Variants in PTPRU observed in about 807,000 individuals in gnomAD.
PTPRU encodes receptor-type tyrosine-protein phosphatase U.
Under a neutral mutation model 166.3 loss-of-function variants are expected in PTPRU, and 69 were observed. That is an observed-to-expected ratio of 0.41 (90% confidence interval 0.34 to 0.51). The LOEUF (loss-of-function observed/expected upper bound fraction) is 0.51, where lower values mean the gene tolerates loss of function less well. Among genes scored for constraint, PTPRU ranks in the 20% least tolerant of loss-of-function variants. The pLI is 0.09. For synonymous variants in PTPRU, 793 were observed against 814.0 expected, an observed-to-expected ratio of 0.97 and a Z score of 0.44; for missense variants, 1,657 against 2,013.7, an observed-to-expected ratio of 0.82 and a Z score of 3.39.
intron 22 of PTPRU, among the ~76,000 whole-genome samples, chr1:29,313,249 C>T (rs1009176501): frequency 5.3e-5 from 8 of 152,108 alleles, no homozygotes; most frequent in Non-Finnish European, 4.4e-5. Context: ...TCCTGGCCTG[C>T]CCTCTGTCTC....
intron 2 of PTPRU, 28 bp downstream of exon 2, chr1:29,255,434 CCTT>C (rs773121636): frequency 1.5e-5 from 24 of 1,609,368 alleles, no homozygotes; most frequent in African/African-American, 4.0e-5. Context: ...CGCCATTACC[CCTT>C]CTTCTCCTTC....
chr1:29,308,786 G>C (rs558046111), intron 18 of PTPRU, among the ~76,000 whole-genome samples: 10 of 152,130 alleles, frequency 6.6e-5, no homozygotes, highest in Non-Finnish European at 1.3e-4. Flanking sequence ...TACTTTGGGA[G>C]GCTGAGGCGG....
chr1:29,236,638 T>G lies in PTPRU; in HGVS notation c.-7T>G. ...CGGGCCCCGGGACGGGCGGCGACGC[T>G]CCAACCATGGCCCGTGCCCAGGCGC... is the stretch of plus-strand genomic sequence containing the variant. On this transcript the variant is annotated 5_prime_UTR_variant, in exon 1 of 30. Transcript: ENST00000373779. This position sits in a 1 kb window ranked among gnomAD's most constrained non-coding sequence, Gnocchi z 4.6. The G allele has an allele frequency of 7.8e-7, 1 of 1,287,246 alleles. No homozygotes were observed. The highest frequency in any genetic ancestry group is 9.9e-7 in the Non-Finnish European group (1 of 1,014,422). 79.7% of individuals were successfully genotyped at this position (1,287,246 alleles called of 1,614,324 possible). A position where few individuals can be genotyped will look rare whatever the true frequency, so the allele number is the denominator to read the frequency against.
chr1:29,324,590 C>G (rs1033080731), intron 28 of PTPRU, among the ~76,000 whole-genome samples: 1 of 152,210 alleles, frequency 6.6e-6, no homozygotes, highest in Admixed American at 6.5e-5. Flanking sequence ...ACCTTGCTCT[C>G]TGGGTACGCG....
At chr1:29,284,674 G>A in intron 13 of PTPRU, 57 bp from the exon 14 acceptor site, 3 of 1,613,082 alleles carry the variant, frequency 1.9e-6, no homozygotes, top group Non-Finnish European at 2.5e-6. Context: ...ACCTACAGGA[G>A]GGGCTCGATG....
At position 29,280,738 on chromosome 1, in the gene PTPRU, AGT is replaced by A. The variant is rs1013858410; in HGVS notation, c.1868+605_1868+606del. On this transcript the variant is annotated intron_variant, in intron 11 of 29. Transcript: ENST00000373779. The surrounding 1 kb of genome is among the most constrained non-coding windows in gnomAD (Gnocchi z 4.2). The stretch of plus-strand genomic sequence containing the variant: ...ATAAAGACATGGGATGTGTGGTGTG[AGT>A]GTGTGTGAGAGGCGTATATGGGAGA... 1.9e-4 allele frequency among the ~76,000 whole-genome samples: 28 copies of A among 150,800 alleles called. No individual in the cohort carries two copies. Among genetic ancestry groups the A allele is most frequent in the African/African-American group, 6.3e-4 (26 of 41,008 alleles).
rs758306092 is a variant in PTPRU at position 29,312,614 on chromosome 1, C to T, written c.3135C>T (p.Gly1045=). 19 of 1,611,022 alleles carry T rather than the reference C, an allele frequency of 1.2e-5. No homozygotes were observed. The highest frequency in any genetic ancestry group is 6.7e-5 in the African/African-American group (5 of 74,902). ...QFHFTAWPEH[G]VPYHATGLLA... Reference sequence around the variant, plus strand: ...ACTTCACAGCGTGGCCAGAGCATGGCGTCCCCTACCATGCCACGGGGCTGC... The same window carrying T: ...ACTTCACAGCGTGGCCAGAGCATGGTGTCCCCTACCATGCCACGGGGCTGC... Residue 1045 remains glycine (G), a synonymous_variant, in exon 22 of 30, where the codon GGC becomes GGT. Transcript: ENST00000373779.
intron 14 of PTPRU, among the ~76,000 whole-genome samples, chr1:29,285,650 T>G (rs74538300): frequency 0.018 from 2,804 of 152,310 alleles, 77 homozygotes; most frequent in African/African-American, 0.063. Context: ...GCCAGGTAGT[T>G]CAAGGCCATC....
At position 29,275,834 on chromosome 1, in the gene PTPRU, AG is replaced by A; in HGVS notation, c.1453+81del. 3 of 1,476,760 alleles carry A rather than the reference AG, an allele frequency of 2.0e-6. No individual in the cohort carries two copies. In the East Asian group the frequency reaches 7.0e-5, roughly 35 times the overall value. The allele number at this position is 1,476,760 out of a possible 1,614,324, so 91.5% of individuals were successfully genotyped here. A position where few individuals can be genotyped will look rare whatever the true frequency, so the allele number is the denominator to read the frequency against. On this transcript the variant is annotated intron_variant, in intron 8 of 29. Transcript: ENST00000373779. ...CCATGTCTGAGACTGAAATTTACTG[AG>A]GGTATTTTTTTCTTTTTTTTGCTTA...
intron 14 of PTPRU, among the ~76,000 whole-genome samples, chr1:29,286,935 C>T (rs187327161): frequency 6.6e-6 from 1 of 152,186 alleles, no homozygotes; most frequent in Admixed American, 6.5e-5. Flanking sequence ...CACTGCATGC[C>T]CCTGGATCTG....
At position 29,283,061 on chromosome 1, in the gene PTPRU, C is replaced by G. The variant is rs1407952249; in HGVS notation, c.2142+112C>G. The G allele has an allele frequency of 2.8e-6, 4 of 1,435,420 alleles. No individual in the cohort carries two copies. The Admixed American group carries it at 5.7e-5, about 20-fold the overall frequency. 88.9% of individuals were successfully genotyped at this position (1,435,420 alleles called of 1,614,324 possible). A position where few individuals can be genotyped will look rare whatever the true frequency, so the allele number is the denominator to read the frequency against. On this transcript the variant is annotated intron_variant, in intron 12 of 29. Coordinates refer to ENST00000373779, the MANE Select transcript of PTPRU (RefSeq NM_133178.4). Reference sequence around the variant, plus strand: ...ACTCCAGGCCCGGCACTTCCCATAGCCCCACCTCCCATAGCCCCACCTCCC... The same window carrying G: ...ACTCCAGGCCCGGCACTTCCCATAGGCCCACCTCCCATAGCCCCACCTCCC...
chr1:29,321,869 G>C (rs925541149), intron 26 of PTPRU, among the ~76,000 whole-genome samples: 9 of 152,168 alleles, frequency 5.9e-5, no homozygotes, highest in African/African-American at 2.2e-4. Flanking sequence ...CCTCAGCCTG[G>C]GGGCAGCCCC....
At position 29,280,312 on chromosome 1, in the gene PTPRU, C is replaced by T. The variant is rs1686005322; in HGVS notation, c.1868+171C>T. 2.6e-5 allele frequency among the ~76,000 whole-genome samples: 4 copies of T among 152,330 alleles called. No individual in the cohort carries two copies. Among genetic ancestry groups the T allele is most frequent in the Admixed American group, 6.5e-5 (1 of 15,304 alleles). ...CTGTGATGCTTGGCAGGCAAGAAGC[C>T]TGCAGTCCCTCCCCTCTGAGGCCAT... is the stretch of plus-strand genomic sequence containing the variant. On this transcript the variant is annotated intron_variant, in intron 11 of 29. Transcript: ENST00000373779. The surrounding 1 kb of genome is among the most constrained non-coding windows in gnomAD (Gnocchi z 4.2).
chr1:29,323,938 A>C (rs1574738578), intron 28 of PTPRU, 150 bp downstream of exon 28: 1 of 1,054,996 alleles, frequency 9.5e-7, no homozygotes, highest in Non-Finnish European at 1.3e-6. Context: ...ATGCTGCCCA[A>C]CCAGCCAAGG....
At chr1:29,264,751 C>T (rs1330492583) in intron 7 of PTPRU, among the ~76,000 whole-genome samples, 1 of 152,164 alleles carries the variant, frequency 6.6e-6, no homozygotes, top group Admixed American at 6.6e-5. Context: ...GGTGATCCAC[C>T]TGGCTCAGCC....
intron 19 of PTPRU, 124 bp downstream of exon 19, chr1:29,310,904 C>T (rs539231982): frequency 2.4e-6 from 3 of 1,238,408 alleles, no homozygotes; most frequent in South Asian, 2.4e-5. Context: ...CCCACCGTCG[C>T]CATATTCTGG....
Position 29,236,591 on chromosome 1 carries a change from C to T in PTPRU, c.-54C>T, listed in dbSNP as rs1683771393. 2 of 1,191,550 alleles carry T rather than the reference C, an allele frequency of 1.7e-6. No individual in the cohort carries two copies. The highest frequency in any genetic ancestry group is 2.1e-6 in the Non-Finnish European group (2 of 960,164). The allele number at this position is 1,191,550 out of a possible 1,614,324, so 73.8% of individuals were successfully genotyped here. A position where few individuals can be genotyped will look rare whatever the true frequency, so the allele number is the denominator to read the frequency against. ...GCTCGCCTCGGGCTGGGCTCGGGCT[C>T]CGGGGGCGGCGTCCCCCGCGCCGGG... On this transcript the variant is annotated 5_prime_UTR_variant, in exon 1 of 30. Coordinates refer to ENST00000373779, the MANE Select transcript of PTPRU (RefSeq NM_133178.4). This position sits in a 1 kb window ranked among gnomAD's most constrained non-coding sequence, Gnocchi z 4.6.
At chr1:29,254,830 C>T (rs997670561) in intron 1 of PTPRU, among the ~76,000 whole-genome samples, 7 of 152,204 alleles carry the variant, frequency 4.6e-5, no homozygotes, top group African/African-American at 1.7e-4. Context: ...GTTCAAACCC[C>T]ACCTCCATCA....
At chr1:29,312,414 C>T (rs1157121093) in intron 21 of PTPRU, 138 bp from the exon 22 acceptor site, 1 of 840,932 alleles carries the variant, frequency 1.2e-6, no homozygotes, top group Non-Finnish European at 1.7e-6. Flanking sequence ...TTAATACCTA[C>T]TTCATCAGTA....
Sources: allele counts gnomAD v4.1 joint callset (sites outside exome capture counted in the v4.1 genomes callset), GRCh38; gene constraint gnomAD v4.1.1; non-coding constraint Gnocchi (gnomAD v3.1); transcripts MANE v1.5; gene names NCBI Gene and HGNC (gene_info 2026-07-23, HGNC 2026-07-21).